The following SLC9A4 variants were observed in gnomAD, a reference collection of about 807,000 sequenced individuals.
The protein encoded by SLC9A4 is sodium/hydrogen exchanger 4.
In SLC9A4, 63 loss-of-function variants were observed where a neutral mutation model predicts 67.4. That is an observed-to-expected ratio of 0.93 (90% CI 0.76 to 1.15). The LOEUF (loss-of-function observed/expected upper bound fraction) is 1.15. SLC9A4 is among the 50% of genes most tolerant of loss of function. The pLI, the probability that SLC9A4 is intolerant of heterozygous loss-of-function variation, is 0.00. For synonymous variants in SLC9A4, 393 were observed against 367.2 expected, an observed-to-expected ratio of 1.07 and a Z score of -0.80; for missense variants, 1,089 against 987.7, an observed-to-expected ratio of 1.10 and a Z score of -1.38.
At chr2:102,477,984 A>T (rs148764769) in intron 1 of SLC9A4, among the ~76,000 whole-genome samples, 2 of 152,212 alleles carry the variant, frequency 1.3e-5, no homozygotes, top group Admixed American at 6.5e-5. Context: ...GCAGTTGTCT[A>T]TCTCTTTGGT....
intron 3 of SLC9A4, among the ~76,000 whole-genome samples, chr2:102,504,531 G>A (rs1184348317): frequency 6.6e-6 from 1 of 152,172 alleles, no homozygotes; most frequent in East Asian, 1.9e-4. Flanking sequence ...GTATCCTTGA[G>A]ATGTTTATCT....
At chr2:102,512,113 T>G (rs1250602267) in intron 6 of SLC9A4, 90 bp from the exon 7 acceptor site, 25 of 1,369,386 alleles carry the variant, frequency 1.8e-5, no homozygotes, top group Non-Finnish European at 1.0e-6. Context: ...AATTAAAGGC[T>G]CCTTTGTTTT....
intron 2 of SLC9A4, among the ~76,000 whole-genome samples, chr2:102,487,875 T>C (rs1457151250): frequency 6.6e-6 from 1 of 152,206 alleles, no homozygotes; most frequent in East Asian, 1.9e-4. Context: ...GAAAAGCGCA[T>C]GGGAGAAGTT....
chr2:102,517,574 A>T (rs1685299915), intron 8 of SLC9A4, among the ~76,000 whole-genome samples: 1 of 152,250 alleles, frequency 6.6e-6, no homozygotes, highest in Non-Finnish European at 1.5e-5. Flanking sequence ...CTAATTGTAC[A>T]TTTCAAAATA....
chr2:102,498,848 A>G (rs1235980444), intron 2 of SLC9A4, among the ~76,000 whole-genome samples: 2 of 152,234 alleles, frequency 1.3e-5, no homozygotes, highest in East Asian at 3.8e-4. Context: ...GTAAAGTGTG[A>G]TTGATACACA....
At chr2:102,479,375 T>A in intron 2 of SLC9A4, 73 bp downstream of exon 2, 1 of 1,453,800 alleles carries the variant, frequency 6.9e-7, no homozygotes, top group Non-Finnish European at 9.2e-7. Flanking sequence ...CCGGAGGCTG[T>A]GGAGACGGCT....
chr2:102,505,423 G>A lies in SLC9A4; in HGVS notation c.1150G>A (p.Ala384Thr). 2.5e-6 allele frequency: 4 copies of A among 1,614,178 alleles called. No individual in the cohort carries two copies. The highest frequency in any genetic ancestry group is 3.4e-6 in the Non-Finnish European group (4 of 1,180,034). ...TVGKNHEWNW[A>T]FICFTLAFCQ... ...GGGCAAGAATCACGAGTGGAACTGG[G>A]CCTTCATCTGCTTCACCCTGGCCTT... Residue 384 changes from alanine (A) to threonine (T), a missense_variant, in exon 4 of 12, where the codon GCC becomes ACC. By Grantham distance (58) the Ala-to-Thr change is moderately conservative (BLOSUM62 0). Coordinates refer to ENST00000295269, the MANE Select transcript of SLC9A4 (RefSeq NM_001011552.4).
rs1276886966 is a variant in SLC9A4 at position 102,505,239 on chromosome 2, C to G, written c.981-15C>G. 1 of 1,610,900 alleles carries G rather than the reference C, an allele frequency of 6.2e-7. No homozygotes were observed. The highest frequency in any genetic ancestry group is 1.3e-5 in the African/African-American group (1 of 74,900). On this transcript the variant is annotated splice_polypyrimidine_tract_variant and intron_variant, in intron 3 of 11. Transcript: ENST00000295269. ...AACCTCATGGATTTTCTCTGAGACTCTGCTCCTTTTATAGAATCACAGCCT... is the reference window on the plus strand; with the variant it reads ...AACCTCATGGATTTTCTCTGAGACTGTGCTCCTTTTATAGAATCACAGCCT...
chr2:102,527,945 A>C (rs1422847073), intron 11 of SLC9A4, among the ~76,000 whole-genome samples: 1 of 151,980 alleles, frequency 6.6e-6, no homozygotes, highest in African/African-American at 2.4e-5. Flanking sequence ...GATTTTCTTG[A>C]GATGAATTTG....
chr2:102,523,082 C>T (rs1674568629), intron 9 of SLC9A4, among the ~76,000 whole-genome samples: 1 of 152,084 alleles, frequency 6.6e-6, no homozygotes, highest in South Asian at 2.1e-4. Flanking sequence ...GACTCTCCCA[C>T]CTCAGCTTCC....
At chr2:102,509,745 T>A (rs1452510046) in intron 6 of SLC9A4, among the ~76,000 whole-genome samples, 1 of 152,220 alleles carries the variant, frequency 6.6e-6, no homozygotes. Context: ...TTTCTCTTCA[T>A]CTATGAATTT....
intron 2 of SLC9A4, among the ~76,000 whole-genome samples, chr2:102,497,917 T>C (rs1221258560): frequency 6.6e-6 from 1 of 152,218 alleles, no homozygotes; most frequent in African/African-American, 2.4e-5. Flanking sequence ...TTTTAGTCAT[T>C]GTGTGAGTCT....
At chr2:102,529,246 A>G (rs1674730535) in intron 11 of SLC9A4, among the ~76,000 whole-genome samples, 2 of 152,236 alleles carry the variant, frequency 1.3e-5, no homozygotes, top group Non-Finnish European at 2.9e-5. Flanking sequence ...TTTCTTTCAA[A>G]TATACTCGAC....
intron 2 of SLC9A4, among the ~76,000 whole-genome samples, chr2:102,491,317 CTTTTTTTTTTTTTTTTTTTTTT>C (rs61708027): frequency 2.2e-5 from 1 of 45,740 alleles, no homozygotes; most frequent in African/African-American, 7.1e-5. Context: ...TGTACTAATG[CTTTTTTTTTTTTTTTTTTTTTT>C]TTTTTTTTTT....
chr2:102,507,846 C>G (rs1685080485), intron 4 of SLC9A4, among the ~76,000 whole-genome samples: 1 of 152,138 alleles, frequency 6.6e-6, no homozygotes, highest in Admixed American at 6.5e-5. Context: ...GGCACATACA[C>G]ACAACACATG....
intron 9 of SLC9A4, among the ~76,000 whole-genome samples, chr2:102,522,574 T>G (rs1299218147): frequency 1.3e-5 from 2 of 152,130 alleles, no homozygotes; most frequent in African/African-American, 4.8e-5. Context: ...CAAGTCTAGG[T>G]GTAGGAAATC....
intron 2 of SLC9A4, among the ~76,000 whole-genome samples, chr2:102,486,614 C>T (rs1195171433): frequency 6.6e-6 from 1 of 152,142 alleles, no homozygotes; most frequent in Non-Finnish European, 1.5e-5. Flanking sequence ...TTTCCTCTGG[C>T]CAAGAATACA....
chr2:102,512,065 C>T lies in SLC9A4; in HGVS notation c.1489-138C>T. Reference sequence around the variant, plus strand: ...ATGAAAGGCACCAAATATTTTATTACATGAACACAGTGATAGAAAGTCAGA... The same window carrying T: ...ATGAAAGGCACCAAATATTTTATTATATGAACACAGTGATAGAAAGTCAGA... On this transcript the variant is annotated intron_variant, in intron 6 of 11. Coordinates refer to ENST00000295269, the MANE Select transcript of SLC9A4 (RefSeq NM_001011552.4). 4 of 814,606 alleles carry T rather than the reference C, an allele frequency of 4.9e-6. No homozygotes were observed. The East Asian group carries it at 7.6e-5, about 16-fold the overall frequency. 50.5% of individuals were successfully genotyped at this position (814,606 alleles called of 1,614,324 possible). A position where few individuals can be genotyped will look rare whatever the true frequency, so the allele number is the denominator to read the frequency against.
At chr2:102,481,051 A>G (rs1286132166) in intron 2 of SLC9A4, among the ~76,000 whole-genome samples, 1 of 152,196 alleles carries the variant, frequency 6.6e-6, no homozygotes, top group African/African-American at 2.4e-5. Context: ...CTCAGGAAGA[A>G]GCAGGAACTG....
Sources: allele counts gnomAD v4.1 joint callset (sites outside exome capture counted in the v4.1 genomes callset), GRCh38; gene constraint gnomAD v4.1.1; transcripts MANE v1.5; gene names NCBI Gene and HGNC (gene_info 2026-07-23, HGNC 2026-07-21).